The following GPN1 variants were observed in gnomAD, a reference collection of about 807,000 sequenced individuals.
The protein encoded by GPN1 is ATP(GTP)-binding protein.
A neutral mutation model predicts 55.9 loss-of-function variants in GPN1; 44 were observed. The ratio of observed to expected loss-of-function variants is 0.79; its 90% CI spans 0.62 to 1.01. GPN1 has a LOEUF of 1.01. GPN1 is among the 50% of genes least tolerant of loss of function. The pLI, the probability that GPN1 is intolerant of heterozygous loss-of-function variation, is 0.00. For missense variants in GPN1, 466 were observed against 462.8 expected, an observed-to-expected ratio of 1.01 and a Z score of -0.06; for synonymous variants, 179 against 162.5, an observed-to-expected ratio of 1.10 and a Z score of -0.77.
intron 4 of GPN1, among the ~76,000 whole-genome samples, chr2:27,632,326 A>T (rs1450752764): frequency 2.6e-5 from 4 of 152,232 alleles, no homozygotes; most frequent in African/African-American, 9.6e-5. Flanking sequence ...TTATACTCTG[A>T]TGTTAGGCCA....
chr2:27,647,979 C>A, intron 13 of GPN1, 36 bp downstream of exon 13: 2 of 1,136,376 alleles, frequency 1.8e-6, no homozygotes, highest in South Asian at 1.2e-5. Context: ...GGCAACAGAG[C>A]ATCTGCTTAT....
At position 27,640,450 on chromosome 2, in the gene GPN1, G is replaced by C. The variant is rs563602622; in HGVS notation, c.800+325G>C. Among the ~76,000 whole-genome samples, 6 of 152,290 alleles carry C rather than the reference G, an allele frequency of 3.9e-5. No individual in the cohort carries two copies. In the South Asian group the frequency reaches 1.0e-3, roughly 26 times the overall value. The stretch of plus-strand genomic sequence containing the variant: ...CAACTGCTCACGTCTGCCATTGTAG[G>C]ACAAAAGCGTCCTCAGACAATTTGT... On this transcript the variant is annotated intron_variant, in intron 10 of 13. Transcript: ENST00000610189.
At chr2:27,639,136 A>C (rs1189423114) in intron 9 of GPN1, 105 bp downstream of exon 9, 2 of 889,070 alleles carry the variant, frequency 2.2e-6, no homozygotes, top group East Asian at 4.9e-5. Context: ...TACCTACTGA[A>C]AAGTAACTTT....
Position 27,631,837 on chromosome 2 carries a change from T to C in GPN1, c.249T>C (p.Tyr83=). The C allele has an allele frequency of 6.3e-7, 1 of 1,586,464 alleles. No homozygotes were observed. The highest frequency in any genetic ancestry group is 8.7e-7 in the Non-Finnish European group (1 of 1,154,646). The change falls in exon 4 of 14, where the codon TAT becomes TAC. Residue 83 remains tyrosine, a synonymous_variant. Transcript: ENST00000610189. ...CAGTCCTCAACTTGGTGTCTAGATA[T>C]GGACTTGGACCCAATGGCGGCATAG... ...TVKYKEVMKQ[Y]GLGPNGGIVT... is the part of the protein sequence containing the mutation.
upstream of GPN1, chr2:27,628,318 TTCA>T (rs1673367635): frequency 1.5e-6 from 2 of 1,366,418 alleles, no homozygotes; most frequent in South Asian, 2.9e-5. Flanking sequence ...TCTAGGCTCT[TTCA>T]TCATCTTTCC....
At chr2:27,635,641 C>T (rs2148068112) in intron 7 of GPN1, among the ~76,000 whole-genome samples, 1 of 152,162 alleles carries the variant, frequency 6.6e-6, no homozygotes, top group African/African-American at 2.4e-5. Context: ...CATAGCAAGA[C>T]TCTGTCTCTA....
chr2:27,644,152 G>C (rs1163137313), intron 12 of GPN1, among the ~76,000 whole-genome samples: 1 of 152,186 alleles, frequency 6.6e-6, no homozygotes, highest in Non-Finnish European at 1.5e-5. Context: ...TCCAGCCTGG[G>C]TGACAGAGTG....
In GPN1 at chr2:27,629,145, A is replaced by G. The variant is rs770476826; in HGVS notation, c.87A>G (p.Gly29=). The change falls in exon 1 of 14, where the codon GGA becomes GGG. Residue 29 remains glycine, a synonymous_variant. Coordinates refer to ENST00000610189, the MANE Select transcript of GPN1 (RefSeq NM_007266.4). Reference sequence around the variant, plus strand: ...GTCTGTTGGTGTTGGGAATGGCGGGATCCGGGAAAACCACTTTTGTACAGG... The same window carrying G: ...GTCTGTTGGTGTTGGGAATGGCGGGGTCCGGGAAAACCACTTTTGTACAGG... ...PVCLLVLGMA[G]SGKTTFVQRL... The G allele has an allele frequency of 1.2e-6, 2 of 1,614,138 alleles. No individual in the cohort carries two copies. The highest frequency in any genetic ancestry group is 3.3e-5 in the Admixed American group (2 of 60,028).
chr2:27,631,365 C>T (rs907847920), intron 3 of GPN1: 9 of 468,596 alleles, frequency 1.9e-5, no homozygotes, highest in South Asian at 5.2e-5. Context: ...CTGTTGGTCA[C>T]CACCTCTTTA....
chr2:27,647,034 A>C (rs1674267053), intron 12 of GPN1, among the ~76,000 whole-genome samples: 1 of 151,806 alleles, frequency 6.6e-6, no homozygotes, highest in African/African-American at 2.4e-5. Context: ...CATTTGAGGA[A>C]AGTCACAAGT....
intron 11 of GPN1, among the ~76,000 whole-genome samples, chr2:27,641,791 G>A (rs990846377): frequency 3.9e-5 from 6 of 152,122 alleles, no homozygotes; most frequent in African/African-American, 1.2e-4. Flanking sequence ...TATAGACAAG[G>A]TCTCACCGTG....
rs1245507676 is a variant in GPN1, at chr2:27,638,960, G to A, written c.646G>A (p.Glu216Lys). ...FEAFQDALNQ[E>K]TTYVSNLTRS... ...GGCTTTCCAAGATGCCTTGAATCAA[G>A]AGACTACATACGTCAGTAACCTGAC... The change falls in exon 9 of 14, where the codon GAG becomes AAG. Residue 216 changes from glutamate to lysine, a missense_variant. Transcript: ENST00000610189. The A allele has an allele frequency of 6.2e-7, 1 of 1,613,510 alleles. No homozygotes were observed. The highest frequency in any genetic ancestry group is 8.5e-7 in the Non-Finnish European group (1 of 1,179,432).
intron 7 of GPN1, among the ~76,000 whole-genome samples, chr2:27,635,512 G>C (rs1558487532): frequency 6.6e-6 from 1 of 152,114 alleles, no homozygotes; most frequent in Non-Finnish European, 1.5e-5. Flanking sequence ...GTTGTTCCCA[G>C]TTGGATAAAA....
chr2:27,643,904 C>T lies in GPN1; in HGVS notation c.931+1385C>T, dbSNP rs542380456. ...AAAGAATTACTATTTTTAGGCCGGG[C>T]GCAGTGGCTCACGCCTGTAATCCCA... On this transcript the variant is annotated intron_variant, in intron 12 of 13. Transcript: ENST00000610189. The surrounding 1 kb of genome is among the most constrained non-coding windows in gnomAD (Gnocchi z 4.0). Among the ~76,000 whole-genome samples the T allele has an allele frequency of 3.9e-5, 6 of 152,260 alleles. No individual in the cohort carries two copies. The highest frequency in any genetic ancestry group is 6.5e-5 in the Admixed American group (1 of 15,296).
chr2:27,636,099 C>T (rs1395581305), intron 7 of GPN1, among the ~76,000 whole-genome samples: 2 of 151,898 alleles, frequency 1.3e-5, no homozygotes, highest in African/African-American at 4.8e-5. Context: ...GCCTGTAATC[C>T]CCGCTACCTG....
At position 27,636,541 on chromosome 2, in the gene GPN1, C is replaced by T. The variant is rs1054484601; in HGVS notation, c.524+1307C>T. Reference sequence around the variant, plus strand: ...ACGGAGTCTTGCTCTGTCACCCAGGCTGGAGTACAGTGGCACAATCTCACC... The same window carrying T: ...ACGGAGTCTTGCTCTGTCACCCAGGTTGGAGTACAGTGGCACAATCTCACC... On this transcript the variant is annotated intron_variant, in intron 7 of 13. Transcript: ENST00000610189. Among the ~76,000 whole-genome samples the T allele has an allele frequency of 4.6e-5, 7 of 152,206 alleles. No homozygotes were observed. In the South Asian group the frequency reaches 6.2e-4, roughly 14 times the overall value.
At chr2:27,628,951 C>G (rs1456793953), upstream of GPN1, 6 of 1,555,530 alleles carry the variant, frequency 3.9e-6, no homozygotes, top group East Asian at 2.3e-5. Context: ...GCCCCTCACC[C>G]GCTCCTTTCT....
intron 9 of GPN1, among the ~76,000 whole-genome samples, chr2:27,639,754 C>T (rs1189177221): frequency 3.3e-5 from 5 of 152,118 alleles, no homozygotes; most frequent in Non-Finnish European, 5.9e-5. Context: ...GAATGCTTGG[C>T]CTCAAGTGCA....
rs192785104 is a variant in GPN1 at position 27,631,394 on chromosome 2, T to C, written c.245+328T>C. 6 of 441,326 alleles carry C rather than the reference T, an allele frequency of 1.4e-5. No homozygotes were observed. In the East Asian group the frequency reaches 1.8e-4, roughly 13 times the overall value. The allele number at this position is 441,326 out of a possible 1,614,324, so 27.3% of individuals were successfully genotyped here. A position where few individuals can be genotyped will look rare whatever the true frequency, so the allele number is the denominator to read the frequency against. ...CTCTTTAGACTGGGAAACTCAGAAA[T>C]GAGTGAGTTTAGTTGGATTAACTCT... On this transcript the variant is annotated intron_variant, in intron 3 of 13. Coordinates refer to ENST00000610189, the MANE Select transcript of GPN1 (RefSeq NM_007266.4).
Sources: gnomAD v4.1 joint callset for allele counts (sites outside exome capture counted in the v4.1 genomes callset) on GRCh38, gnomAD v4.1.1 for gene constraint, Gnocchi (gnomAD v3.1) non-coding constraint, MANE v1.5 for transcripts, NCBI Gene and HGNC (gene_info 2026-07-23, HGNC 2026-07-21) for gene names.